The following PCSK5 variants were observed in gnomAD, a reference collection of about 807,000 sequenced individuals.
PCSK5 encodes proprotein convertase subtilisin/kexin type 5, also known as prohormone convertase 5.
Under a neutral mutation model 233.2 loss-of-function variants are expected in PCSK5, and 129 were observed. The ratio of observed to expected loss-of-function variants is 0.55; its 90% CI spans 0.48 to 0.64. PCSK5 has a LOEUF of 0.64. Among genes scored for constraint, PCSK5 ranks in the 30% least tolerant of loss-of-function variants. The pLI, the probability that PCSK5 is intolerant of heterozygous loss-of-function variation, is 0.00. For synonymous variants in PCSK5, 825 were observed against 879.2 expected (o/e 0.94, Z 1.09); for missense variants, 2,076 against 2,430.1 (o/e 0.85, Z 3.06).
chr9:76,192,292 T>C (rs1824432346), intron 20 of PCSK5, among the ~76,000 whole-genome samples: 1 of 152,156 alleles, frequency 6.6e-6, no homozygotes, highest in Non-Finnish European at 1.5e-5. Flanking sequence ...GAATCATATC[T>C]GCAGTGAGCC....
rs202004678 is a variant in PCSK5 at position 75,908,815 on chromosome 9, C to CATCTATCTATCTATCTATCTATCT, written c.192+17465_192+17466insTATCTATCTATCTATCTATCTATC. Among the ~76,000 whole-genome samples, 28 of 151,844 alleles carry CATCTATCTATCTATCTATCTATCT rather than the reference C, an allele frequency of 1.8e-4. No individual in the cohort carries two copies. The East Asian group carries it at 4.9e-3, about 26-fold the overall frequency. On this transcript the variant is annotated intron_variant, in intron 1 of 37. Transcript: ENST00000674117. ...CACTTGGCATTTTCATCTTACATGC[C>CATCTATCTATCTATCTATCTATCT]ATCTATCTATCTATCTATCTATCCA...
chr9:76,309,586 G>A (rs1283582205), intron 29 of PCSK5, among the ~76,000 whole-genome samples: 5 of 151,908 alleles, frequency 3.3e-5, no homozygotes, highest in South Asian at 2.1e-4. Flanking sequence ...CCCAGGCTAC[G>A]TGGGAGGCTG....
chr9:76,018,857 T>A (rs1828064422), intron 3 of PCSK5, among the ~76,000 whole-genome samples: 1 of 152,056 alleles, frequency 6.6e-6, no homozygotes, highest in African/African-American at 2.4e-5. Flanking sequence ...AAGGCCAGAG[T>A]GATTTCTGTT....
At chr9:76,357,863 T>C (rs996790715) in intron 37 of PCSK5, among the ~76,000 whole-genome samples, 2 of 152,220 alleles carry the variant, frequency 1.3e-5, no homozygotes, top group Non-Finnish European at 2.9e-5. Context: ...TTATAAATTA[T>C]CTGCTCTTGC....
chr9:75,897,144 G>A (rs1179530313), intron 1 of PCSK5, among the ~76,000 whole-genome samples: 2 of 152,296 alleles, frequency 1.3e-5, no homozygotes, highest in East Asian at 3.9e-4. Context: ...GAAGATGAGT[G>A]TGTATTAGCT....
intron 9 of PCSK5, among the ~76,000 whole-genome samples, chr9:76,125,157 T>C (rs113676527): frequency 0.018 from 2,666 of 152,126 alleles, 91 homozygotes; most frequent in African/African-American, 0.062. Context: ...GCTGTGGCTA[T>C]GTCCTTGCTC....
chr9:76,098,181 G>T (rs1410219847), intron 8 of PCSK5, among the ~76,000 whole-genome samples: 1 of 152,020 alleles, frequency 6.6e-6, no homozygotes, highest in African/African-American at 2.4e-5. Flanking sequence ...ATTGATTTAG[G>T]TAAAAATTGC....
At chr9:75,908,049 G>C (rs1822482224) in intron 1 of PCSK5, among the ~76,000 whole-genome samples, 1 of 152,190 alleles carries the variant, frequency 6.6e-6, no homozygotes, top group South Asian at 2.1e-4. Flanking sequence ...CATAAATTAA[G>C]CCCTGCAGGT....
At chr9:75,978,678 T>G (rs10869676) in intron 2 of PCSK5, among the ~76,000 whole-genome samples, 39,095 of 152,008 alleles carry the variant, frequency 0.26, 5,199 homozygotes, top group Middle Eastern at 0.33. Context: ...TTATAAAACC[T>G]AATTTAATGT....
intron 2 of PCSK5, among the ~76,000 whole-genome samples, chr9:75,940,442 A>C (rs1824249613): frequency 6.6e-6 from 1 of 152,254 alleles, no homozygotes; most frequent in Admixed American, 6.5e-5. Context: ...CAGAGCATTC[A>C]AGCATTGTGC....
intron 20 of PCSK5, among the ~76,000 whole-genome samples, chr9:76,190,196 A>C (rs1462818056): frequency 6.6e-6 from 1 of 152,066 alleles, no homozygotes; most frequent in East Asian, 1.9e-4. Flanking sequence ...ATTAGGGCTC[A>C]CTCTTGGTTA....
At chr9:76,068,734 A>C (rs189619947) in intron 6 of PCSK5, among the ~76,000 whole-genome samples, 2 of 152,312 alleles carry the variant, frequency 1.3e-5, no homozygotes, top group East Asian at 3.9e-4. Flanking sequence ...GCCTGGTGCC[A>C]CAGCCACACA....
At chr9:75,896,954 C>T (rs1484107192) in intron 1 of PCSK5, among the ~76,000 whole-genome samples, 1 of 152,116 alleles carries the variant, frequency 6.6e-6, no homozygotes, top group African/African-American at 2.4e-5. Flanking sequence ...TGAGTTCATC[C>T]TGAGAGTAAA....
chr9:75,948,220 T>G (rs1190276380), intron 2 of PCSK5, among the ~76,000 whole-genome samples: 1 of 152,120 alleles, frequency 6.6e-6, no homozygotes, highest in East Asian at 1.9e-4. Flanking sequence ...TGCAGGTTTG[T>G]TACATATGTA....
intron 13 of PCSK5, among the ~76,000 whole-genome samples, chr9:76,173,960 C>T (rs547765942): frequency 6.6e-5 from 10 of 150,956 alleles, no homozygotes; most frequent in African/African-American, 2.4e-4. Context: ...GGTGACAGAA[C>T]GAAATCAAAA....
intron 7 of PCSK5, among the ~76,000 whole-genome samples, chr9:76,087,200 T>G (rs759724360): frequency 3.9e-5 from 6 of 152,228 alleles, no homozygotes; most frequent in Non-Finnish European, 5.9e-5. Context: ...TCAGTGTCAA[T>G]CAACCCTTAT....
At chr9:76,176,714 C>A (rs938635060) in intron 14 of PCSK5, among the ~76,000 whole-genome samples, 10 of 152,156 alleles carry the variant, frequency 6.6e-5, no homozygotes, top group Non-Finnish European at 1.3e-4. Flanking sequence ...GAAAATATTC[C>A]ATGCTTTCTA....
In PCSK5 at chr9:76,362,124, A is replaced by G. The variant is rs947854690; in HGVS notation, c.*3202A>G. On this transcript the variant is annotated 3_prime_UTR_variant, in exon 38 of 38. Transcript: ENST00000674117. ...TTTCCTTCTTTGTTTTTAGTCATGC[A>G]ACGTCATTCTTAGATGGCTTTTGAA... 1.3e-5 allele frequency: 2 copies of G among 152,208 alleles called. No homozygotes were observed. Among genetic ancestry groups the G allele is most frequent in the Admixed American group, 1.3e-4 (2 of 15,278 alleles). The allele number at this position is 152,208 out of a possible 1,614,324, so 9.4% of individuals were successfully genotyped here.
intron 24 of PCSK5, among the ~76,000 whole-genome samples, chr9:76,281,339 AG>A (rs1451286474): frequency 7.2e-5 from 11 of 152,230 alleles, no homozygotes; most frequent in African/African-American, 2.2e-4. Context: ...TTTAAGTTAA[AG>A]CCAGTATTCA....
Sources: gnomAD v4.1 joint callset for allele counts (sites outside exome capture counted in the v4.1 genomes callset) on GRCh38, gnomAD v4.1.1 for gene constraint, MANE v1.5 for transcripts, NCBI Gene and HGNC (gene_info 2026-07-23, HGNC 2026-07-21) for gene names.